The following ZNF385D variants were observed in gnomAD, a reference collection of about 807,000 sequenced individuals.
The protein encoded by ZNF385D is zinc finger protein 659.
In ZNF385D, 15 loss-of-function variants were observed where a neutral mutation model predicts 35.8. That is an observed-to-expected ratio of 0.42 (90% CI 0.28 to 0.64). ZNF385D has a LOEUF of 0.64. Ranked by LOEUF, ZNF385D falls within the 30% of genes least tolerant of loss-of-function variation. The pLI, the probability that ZNF385D is intolerant of heterozygous loss-of-function variation, is 0.23. For synonymous variants in ZNF385D, 212 were observed against 186.8 expected (o/e 1.13, Z -1.10); for missense variants, 474 against 494.6 (o/e 0.96, Z 0.39).
At position 22,365,033 on chromosome 3, in the gene ZNF385D, A is replaced by G. The variant is rs762216019; in HGVS notation, c.106+7417T>C. Among the ~76,000 whole-genome samples, 5 of 152,110 alleles carry G rather than the reference A, an allele frequency of 3.3e-5. No individual in the cohort carries two copies. The South Asian group carries it at 6.2e-4, about 19-fold the overall frequency. ...GATTCCACTTACATGAGGTACTTAAAGTAATCAAAATCAATCATAGAGACA... is the reference window on the plus strand; with the variant it reads ...GATTCCACTTACATGAGGTACTTAAGGTAATCAAAATCAATCATAGAGACA... On this transcript the variant is annotated intron_variant, in intron 2 of 5. Transcript: ENST00000494108.
intron 4 of ZNF385D, among the ~76,000 whole-genome samples, chr3:21,455,150 G>A (rs1702715477): frequency 6.6e-6 from 1 of 152,122 alleles, no homozygotes; most frequent in South Asian, 2.1e-4. Context: ...CGTGAAAATG[G>A]CCATACTGCC....
chr3:22,177,406 A>C (rs1411047896), intron 2 of ZNF385D, among the ~76,000 whole-genome samples: 2 of 152,170 alleles, frequency 1.3e-5, no homozygotes, highest in South Asian at 4.1e-4. Context: ...TATGCCAAGA[A>C]AAAAAGTAGG....
intron 2 of ZNF385D, among the ~76,000 whole-genome samples, chr3:22,238,405 T>A (rs190435456): frequency 3.3e-5 from 5 of 151,296 alleles, no homozygotes; most frequent in Admixed American, 3.3e-4. Context: ...GTTTGACATG[T>A]ATTTCTATCT....
intron 3 of ZNF385D, among the ~76,000 whole-genome samples, chr3:22,040,604 C>G (rs1698604764): frequency 6.6e-6 from 1 of 151,286 alleles, no homozygotes; most frequent in Non-Finnish European, 1.5e-5. Context: ...AATGTGTAGT[C>G]TCAGATGGTA....
At chr3:21,753,607 G>C (rs1402263662), upstream of ZNF385D, among the ~76,000 whole-genome samples, 1 of 152,180 alleles carries the variant, frequency 6.6e-6, no homozygotes, top group African/African-American at 2.4e-5. Context: ...CCTCTTCCCT[G>C]CAATTAAGGC....
chr3:21,494,062 GA>G (rs750015377), intron 4 of ZNF385D, among the ~76,000 whole-genome samples: 2 of 151,992 alleles, frequency 1.3e-5, no homozygotes, highest in Non-Finnish European at 2.9e-5. Flanking sequence ...AGCATAAATA[GA>G]AAAACCAAAG....
chr3:22,370,063 C>A (rs562454847), intron 2 of ZNF385D, among the ~76,000 whole-genome samples: 1 of 152,236 alleles, frequency 6.6e-6, no homozygotes, highest in African/African-American at 2.4e-5. Context: ...ACTTTTGATG[C>A]ACCTGGTAAA....
At chr3:22,253,068 G>A (rs1344163079) in intron 2 of ZNF385D, among the ~76,000 whole-genome samples, 1 of 152,080 alleles carries the variant, frequency 6.6e-6, no homozygotes, top group Non-Finnish European at 1.5e-5. Context: ...GATGTTGGAA[G>A]ATGACAAAGG....
chr3:22,294,702 A>G (rs948369068), intron 2 of ZNF385D, among the ~76,000 whole-genome samples: 1 of 152,106 alleles, frequency 6.6e-6, no homozygotes, highest in African/African-American at 2.4e-5. Flanking sequence ...CTAAGCTTCT[A>G]TGTTCTGAAT....
chr3:22,336,158 G>T (rs1389284109), intron 2 of ZNF385D, among the ~76,000 whole-genome samples: 1 of 152,006 alleles, frequency 6.6e-6, no homozygotes, highest in Non-Finnish European at 1.5e-5. Flanking sequence ...GGCTCACATG[G>T]TAAAACTGTT....
chr3:21,544,587 G>A (rs558731032), intron 3 of ZNF385D, among the ~76,000 whole-genome samples: 2 of 152,260 alleles, frequency 1.3e-5, no homozygotes, highest in South Asian at 4.1e-4. Flanking sequence ...GGTTCTCTGT[G>A]TGAACATATT....
chr3:22,081,583 G>T (rs1700751513), intron 3 of ZNF385D, among the ~76,000 whole-genome samples: 1 of 152,106 alleles, frequency 6.6e-6, no homozygotes, highest in Admixed American at 6.6e-5. Flanking sequence ...TAGATAGACT[G>T]GTGTTTTAGA....
chr3:22,350,171 G>T (rs1366764412), intron 2 of ZNF385D, among the ~76,000 whole-genome samples: 2 of 152,062 alleles, frequency 1.3e-5, no homozygotes. Flanking sequence ...TACATGCAAA[G>T]AAGTTTACCC....
At chr3:22,132,103 G>T (rs759965439) in intron 3 of ZNF385D, among the ~76,000 whole-genome samples, 1 of 152,114 alleles carries the variant, frequency 6.6e-6, no homozygotes, top group Non-Finnish European at 1.5e-5. Flanking sequence ...GATTATAGTG[G>T]TGCTATGGTC....
At chr3:22,287,824 A>G (rs936215492) in intron 2 of ZNF385D, among the ~76,000 whole-genome samples, 1 of 151,916 alleles carries the variant, frequency 6.6e-6, no homozygotes, top group African/African-American at 2.4e-5. Context: ...TTAAATCTAA[A>G]AATTTATTTA....
At chr3:22,087,973 A>T (rs1701133052) in intron 3 of ZNF385D, among the ~76,000 whole-genome samples, 1 of 152,190 alleles carries the variant, frequency 6.6e-6, no homozygotes, top group Admixed American at 6.5e-5. Context: ...GGAAAGGTTT[A>T]GGGTTGTTAC....
chr3:22,084,586 C>G (rs572403107), intron 3 of ZNF385D, among the ~76,000 whole-genome samples: 1 of 152,094 alleles, frequency 6.6e-6, no homozygotes, highest in Non-Finnish European at 1.5e-5. Flanking sequence ...AAGCAAGTCC[C>G]TAGCAACCTA....
In ZNF385D at chr3:21,540,223, A is replaced by G. The variant is rs576210622; in HGVS notation, c.276+24351T>C. ...AATAGGCAAAAGCAGAATAATAACA[A>G]TATAGCACAAACAATCAAGCAAATT... On this transcript the variant is annotated intron_variant, in intron 3 of 7. Coordinates refer to ENST00000281523, the MANE Select transcript of ZNF385D (RefSeq NM_024697.3). Among the ~76,000 whole-genome samples, 440 of 152,312 alleles carry G rather than the reference A, an allele frequency of 2.9e-3. 2 individuals carry two copies. Among genetic ancestry groups the G allele is most frequent in the Non-Finnish European group, 3.6e-3 (243 of 68,028 alleles).
intron 3 of ZNF385D, among the ~76,000 whole-genome samples, chr3:22,009,281 T>C (rs912591989): frequency 1.3e-5 from 2 of 151,700 alleles, no homozygotes; most frequent in Admixed American, 6.6e-5. Context: ...GGAGAATAAA[T>C]TGTGGTATAG....
Sources: allele counts gnomAD v4.1 joint callset (sites outside exome capture counted in the v4.1 genomes callset), GRCh38; gene constraint gnomAD v4.1.1; transcripts MANE v1.5; gene names NCBI Gene and HGNC (gene_info 2026-07-23, HGNC 2026-07-21).